The following PTAR1 variants were observed in gnomAD, a reference collection of about 807,000 sequenced individuals.
The protein encoded by PTAR1 is protein prenyltransferase alpha subunit repeat containing 1.
A neutral mutation model predicts 45.5 loss-of-function variants in PTAR1; 17 were observed. The ratio of observed to expected loss-of-function variants is 0.37; its 90% CI spans 0.26 to 0.56. The LOEUF (loss-of-function observed/expected upper bound fraction) is 0.56. Ranked by LOEUF, PTAR1 falls within the 20% of genes least tolerant of loss-of-function variation. The pLI is 0.77. For missense variants in PTAR1, 391 were observed against 476.3 expected (o/e 0.82, Z 1.67); for synonymous variants, 169 against 171.3 (o/e 0.99, Z 0.11).
intron 4 of PTAR1, among the ~76,000 whole-genome samples, chr9:69,733,218 C>A (rs1391956629): frequency 1.3e-5 from 2 of 152,124 alleles, no homozygotes; most frequent in Non-Finnish European, 2.9e-5. Context: ...CCATCCCTTT[C>A]CAAACCCCCA....
At position 69,710,287 on chromosome 9, in the gene PTAR1, T is replaced by C. The variant is rs902299534; in HGVS notation, c.*8055A>G. On this transcript the variant is annotated 3_prime_UTR_variant, in exon 8 of 8. Coordinates refer to ENST00000340434, the MANE Select transcript of PTAR1 (RefSeq NM_001099666.2). ...TGGAAGAAAAAGAAGATAAGGTGTT[T>C]CATTAATAATCTTTTATATTGATTA... 3 of 152,142 alleles carry C rather than the reference T, an allele frequency of 2.0e-5. No individual in the cohort carries two copies. The highest frequency in any genetic ancestry group is 6.6e-5 in the Admixed American group (1 of 15,266). 9.4% of individuals were successfully genotyped at this position (152,142 alleles called of 1,614,324 possible).
chr9:69,725,291 C>T (rs553782974), intron 5 of PTAR1, among the ~76,000 whole-genome samples: 36 of 152,108 alleles, frequency 2.4e-4, no homozygotes, highest in Admixed American at 2.4e-3. Context: ...AAATAGCACA[C>T]ATATAAAAGA....
chr9:69,717,365 A>C lies in PTAR1; in HGVS notation c.*977T>G, dbSNP rs1824770667. 1 of 152,224 alleles carries C rather than the reference A, an allele frequency of 6.6e-6. No homozygotes were observed. The highest frequency in any genetic ancestry group is 2.4e-5 in the African/African-American group (1 of 41,468). 9.4% of individuals were successfully genotyped at this position (152,224 alleles called of 1,614,324 possible). ...GCATTCCAGGTTTTCAGGAAAAAAA[A>C]ATCAATTTTATAAGGACTGATGTGT... On this transcript the variant is annotated 3_prime_UTR_variant, in exon 8 of 8. Transcript: ENST00000340434.
chr9:69,742,829 T>C (rs903114938), intron 2 of PTAR1, among the ~76,000 whole-genome samples: 3 of 152,148 alleles, frequency 2.0e-5, no homozygotes, highest in African/African-American at 4.8e-5. Context: ...TTACTACATA[T>C]AGTTCATCTT....
chr9:69,711,132 C>T lies in PTAR1; in HGVS notation c.*7210G>A, dbSNP rs910978151. On this transcript the variant is annotated 3_prime_UTR_variant, in exon 8 of 8. Transcript: ENST00000340434. ...ATAAATATTTGGCATACTTATAATACCTCATCTTTTATTTTTTCCAACTCA... is the reference window on the plus strand; with the variant it reads ...ATAAATATTTGGCATACTTATAATATCTCATCTTTTATTTTTTCCAACTCA... 2.0e-5 allele frequency: 3 copies of T among 151,642 alleles called. No individual in the cohort carries two copies. The highest frequency in any genetic ancestry group is 4.4e-5 in the Non-Finnish European group (3 of 67,954). 9.4% of individuals were successfully genotyped at this position (151,642 alleles called of 1,614,324 possible).
rs1380118237 is a variant in PTAR1, at chr9:69,709,885, C to CA, written c.*8456dup. ...GAAACAGGACAGAATTTAGTGAACGCAACTTAAAAATTTGTTAATGTAGTA... is the reference window on the plus strand; with the variant it reads ...GAAACAGGACAGAATTTAGTGAACGCAAACTTAAAAATTTGTTAATGTAGTA... On this transcript the variant is annotated 3_prime_UTR_variant, in exon 8 of 8. Coordinates refer to ENST00000340434, the MANE Select transcript of PTAR1 (RefSeq NM_001099666.2). The CA allele has an allele frequency of 6.6e-6, 1 of 151,984 alleles. No homozygotes were observed. The allele number at this position is 151,984 out of a possible 1,614,324, so 9.4% of individuals were successfully genotyped here. A position where few individuals can be genotyped will look rare whatever the true frequency, so the allele number is the denominator to read the frequency against.
chr9:69,746,691 C>T (rs1293810859), intron 2 of PTAR1, among the ~76,000 whole-genome samples: 1 of 152,120 alleles, frequency 6.6e-6, no homozygotes. Flanking sequence ...CCCATCATCA[C>T]GCCACAGGGA....
At chr9:69,736,700 A>G (rs907594928) in intron 3 of PTAR1, among the ~76,000 whole-genome samples, 1 of 152,208 alleles carries the variant, frequency 6.6e-6, no homozygotes, top group Non-Finnish European at 1.5e-5. Context: ...TTTTCTTCAA[A>G]AAAGAGGCAG....
intron 2 of PTAR1, among the ~76,000 whole-genome samples, chr9:69,747,650 C>T (rs543266717): frequency 3.9e-5 from 6 of 152,262 alleles, no homozygotes; most frequent in African/African-American, 9.6e-5. Context: ...TGCCCAGTTA[C>T]GAAGAGTAGA....
chr9:69,719,131 T>C (rs1157215700), intron 6 of PTAR1, among the ~76,000 whole-genome samples: 1 of 152,210 alleles, frequency 6.6e-6, no homozygotes, highest in African/African-American at 2.4e-5. Context: ...GCTTAATCTG[T>C]GGCCTCTATC....
At chr9:69,736,527 A>G (rs1825797756) in intron 3 of PTAR1, among the ~76,000 whole-genome samples, 1 of 152,228 alleles carries the variant, frequency 6.6e-6, no homozygotes. Flanking sequence ...ACTGCACTCC[A>G]GCCTGGCAAT....
At chr9:69,720,294 C>T (rs952602909) in intron 6 of PTAR1, among the ~76,000 whole-genome samples, 15 of 152,174 alleles carry the variant, frequency 9.9e-5, no homozygotes, top group African/African-American at 2.4e-4. Context: ...ATATGGAGAA[C>T]GTTTTAGTGC....
At chr9:69,740,514 A>G (rs1191367162) in intron 3 of PTAR1, among the ~76,000 whole-genome samples, 1 of 152,152 alleles carries the variant, frequency 6.6e-6, no homozygotes, top group African/African-American at 2.4e-5. Context: ...TGAGGAATAC[A>G]AGAACATGAA....
At chr9:69,755,200 C>G (rs990553553) in intron 1 of PTAR1, among the ~76,000 whole-genome samples, 3 of 152,154 alleles carry the variant, frequency 2.0e-5, no homozygotes, top group African/African-American at 7.2e-5. Flanking sequence ...GGACAGCAAT[C>G]AAGTTCTAAT....
chr9:69,758,717 G>T (rs149385767), intron 1 of PTAR1: 589 of 401,494 alleles, frequency 1.5e-3, no homozygotes, highest in African/African-American at 0.011. Context: ...TGGAGGAAAA[G>T]AACACTTTGG....
chr9:69,741,532 G>T (rs1826043176), intron 3 of PTAR1: 5 of 398,494 alleles, frequency 1.3e-5, no homozygotes, highest in Non-Finnish European at 1.8e-5. Context: ...CCCAAAAAAT[G>T]AAGGAAAATA....
At chr9:69,720,761 A>C (rs1179295855) in intron 6 of PTAR1, among the ~76,000 whole-genome samples, 1 of 152,178 alleles carries the variant, frequency 6.6e-6, no homozygotes, top group Non-Finnish European at 1.5e-5. Context: ...CAATAATCTT[A>C]GGGCCCTTAA....
chr9:69,741,705 C>A, intron 3 of PTAR1, 87 bp downstream of exon 3: 1 of 828,868 alleles, frequency 1.2e-6, no homozygotes, highest in South Asian at 1.5e-5. Flanking sequence ...GTTTATATTT[C>A]GTTTTCAAAA....
intron 3 of PTAR1, among the ~76,000 whole-genome samples, chr9:69,735,322 C>T (rs559310671): frequency 2.0e-5 from 3 of 152,124 alleles, no homozygotes; most frequent in African/African-American, 7.2e-5. Context: ...TGCCATATAA[C>T]CTACACACAT....
Sources: allele counts gnomAD v4.1 joint callset (sites outside exome capture counted in the v4.1 genomes callset), GRCh38; gene constraint gnomAD v4.1.1; transcripts MANE v1.5; gene names NCBI Gene and HGNC (gene_info 2026-07-23, HGNC 2026-07-21).